Variants in CRYGN observed in about 807,000 individuals in gnomAD.
CRYGN encodes the protein crystallin gamma N, also known as gamma-crystallin N.
Under a neutral mutation model 19.2 loss-of-function variants are expected in CRYGN, and 17 were observed. That is an observed-to-expected ratio of 0.89 (90% CI 0.61 to 1.33). CRYGN has a LOEUF of 1.33. Among genes scored for constraint, CRYGN ranks in the 40% most tolerant of loss-of-function variants. The pLI, the probability that CRYGN is intolerant of heterozygous loss-of-function variation, is 0.00. For synonymous variants in CRYGN, 84 were observed against 85.8 expected, an observed-to-expected ratio of 0.98 and a Z score of 0.12; for missense variants, 239 against 239.6, an observed-to-expected ratio of 1.00 and a Z score of 0.02.
chr7:151,433,825 T>TA lies in CRYGN; in HGVS notation c.416+2354dup, dbSNP rs1451721686. Among the ~76,000 whole-genome samples the TA allele has an allele frequency of 3.3e-5, 5 of 152,170 alleles. No homozygotes were observed. The highest frequency in any genetic ancestry group is 7.4e-5 in the Non-Finnish European group (5 of 68,018). On this transcript the variant is annotated intron_variant, in intron 3 of 3. Transcript: ENST00000337323. This position sits in a 1 kb window ranked among gnomAD's most constrained non-coding sequence, Gnocchi z 5.1. ...TGCTGTCCCCTGTCCTGGCTGTGGCTACTGGGAGGAGGCAGACAGAGGAAA... is the reference window on the plus strand; with the variant it reads ...TGCTGTCCCCTGTCCTGGCTGTGGCTAACTGGGAGGAGGCAGACAGAGGAAA...
At chr7:151,440,635 C>A, upstream of CRYGN, 1 of 153,506 alleles carries the variant, frequency 6.5e-6, no homozygotes, top group Non-Finnish European at 1.5e-5. Flanking sequence ...CTTGAAGATC[C>A]TGCCTAGGGT....
rs1386059452 is a variant in CRYGN at position 151,437,812 on chromosome 7, T to C, written c.270+184A>G. On this transcript the variant is annotated intron_variant, in intron 2 of 3. Coordinates refer to ENST00000337323, the MANE Select transcript of CRYGN (RefSeq NM_144727.3). ...CTCAGGGCCACTCCCACTCAGTTCATAGCAACTTGGCCCCCCACCTACTCA... is the reference window on the plus strand; with the variant it reads ...CTCAGGGCCACTCCCACTCAGTTCACAGCAACTTGGCCCCCCACCTACTCA... 7.5e-6 allele frequency: 11 copies of C among 1,473,048 alleles called. 1 individual carries two copies. The Admixed American group carries it at 1.8e-4, about 24-fold the overall frequency. 91.2% of individuals were successfully genotyped at this position (1,473,048 alleles called of 1,614,324 possible).
chr7:151,439,842 AG>A, intron 1 of CRYGN, 54 bp downstream of exon 1: 4 of 1,525,036 alleles, frequency 2.6e-6, no homozygotes, highest in Non-Finnish European at 3.5e-6. Context: ...CCCCTAGCAC[AG>A]GGGGCGAAGG....
chr7:151,435,639 C>A lies in CRYGN; in HGVS notation c.416+541G>T, dbSNP rs1801584376. The stretch of plus-strand genomic sequence containing the variant: ...AGTGAGCCACCCCGAAGTCCATCTC[C>A]TCCCAGAGGCCAGGGTGGTGGGGGT... On this transcript the variant is annotated intron_variant, in intron 3 of 3. Coordinates refer to ENST00000337323, the MANE Select transcript of CRYGN (RefSeq NM_144727.3). The surrounding 1 kb of genome is among the most constrained non-coding windows in gnomAD (Gnocchi z 4.2). 6.6e-6 allele frequency among the ~76,000 whole-genome samples: 1 copy of A among 152,008 alleles called. No homozygotes were observed. The highest frequency in any genetic ancestry group is 6.5e-5 in the Admixed American group (1 of 15,268).
At chr7:151,438,390 A>C in intron 1 of CRYGN, 146 bp from the exon 2 acceptor site, 1 of 764,972 alleles carries the variant, frequency 1.3e-6, no homozygotes, top group Non-Finnish European at 2.1e-6. Flanking sequence ...TAGGTGCCCA[A>C]CACTATTTGC....
At chr7:151,439,593 G>A (rs888733017) in intron 1 of CRYGN, among the ~76,000 whole-genome samples, 1 of 152,164 alleles carries the variant, frequency 6.6e-6, no homozygotes, top group Non-Finnish European at 1.5e-5. Context: ...GCGGAGGGCT[G>A]TGGGACAAGC....
intron 1 of CRYGN, among the ~76,000 whole-genome samples, chr7:151,439,527 C>A (rs2150910172): frequency 6.6e-6 from 1 of 152,208 alleles, no homozygotes; most frequent in African/African-American, 2.4e-5. Context: ...CTGAAGAGAC[C>A]CTGGGAAGGA....
In CRYGN at chr7:151,429,922, C is replaced by T; in HGVS notation, c.*126G>A. ...GAGGGCCTCCCGCTGGCAGATATGA[C>T]ACACAGAAGGCTCCACCTCCCTAAC... is the stretch of plus-strand genomic sequence containing the variant. On this transcript the variant is annotated 3_prime_UTR_variant, in exon 4 of 4. Transcript: ENST00000337323. The T allele has an allele frequency of 1.4e-6, 1 of 719,342 alleles. No homozygotes were observed. The highest frequency in any genetic ancestry group is 2.6e-6 in the Non-Finnish European group (1 of 388,158). 44.6% of individuals were successfully genotyped at this position (719,342 alleles called of 1,614,324 possible). A position where few individuals can be genotyped will look rare whatever the true frequency, so the allele number is the denominator to read the frequency against.
rs921642475 is a variant in CRYGN at position 151,436,615 on chromosome 7, G to A, written c.271-290C>T. Among the ~76,000 whole-genome samples, 1 of 152,152 alleles carries A rather than the reference G, an allele frequency of 6.6e-6. No homozygotes were observed. The highest frequency in any genetic ancestry group is 1.5e-5 in the Non-Finnish European group (1 of 68,034). On this transcript the variant is annotated intron_variant, in intron 2 of 3. Transcript: ENST00000337323. This position sits in a 1 kb window ranked among gnomAD's most constrained non-coding sequence, Gnocchi z 5.1. ...AGGGCCAAACTGACCAGAGGCCAGC[G>A]GTCACACTCAGACCAGGGCTGGGGT...
Position 151,440,134 on chromosome 7 carries a change from C to A in CRYGN, c.-217G>T. 7.5e-7 allele frequency: 1 copy of A among 1,328,320 alleles called. No individual in the cohort carries two copies. Among genetic ancestry groups the A allele is most frequent in the Non-Finnish European group, 9.6e-7 (1 of 1,038,142 alleles). 82.3% of individuals were successfully genotyped at this position (1,328,320 alleles called of 1,614,324 possible). A position where few individuals can be genotyped will look rare whatever the true frequency, so the allele number is the denominator to read the frequency against. ...CCTGCCCGGGGTCTCCCTGTGCTCT[C>A]CGCGTTTAGCTCCCGAGCCTCCTTC... is the stretch of plus-strand genomic sequence containing the variant. On this transcript the variant is annotated 5_prime_UTR_variant, in exon 1 of 4. Transcript: ENST00000337323.
At chr7:151,439,164 A>T (rs1162767498) in intron 1 of CRYGN, 1 of 152,198 alleles carries the variant, frequency 6.6e-6, no homozygotes, top group Admixed American at 6.5e-5. Flanking sequence ...GGCCCCTTGG[A>T]GTCAGGCGTG....
In CRYGN at chr7:151,430,208, G is replaced by T. The variant is rs1238940898; in HGVS notation, c.417-28C>A. ...GTGGTTTGCAGGTGAAAGGAGGTGG[G>T]GCCAGGGCATTAGGGGTACAGAGCA... On this transcript the variant is annotated intron_variant, in intron 3 of 3. Coordinates refer to ENST00000337323, the MANE Select transcript of CRYGN (RefSeq NM_144727.3). This position sits in a 1 kb window ranked among gnomAD's most constrained non-coding sequence, Gnocchi z 5.2. 1 of 1,612,676 alleles carries T rather than the reference G, an allele frequency of 6.2e-7. No individual in the cohort carries two copies. The highest frequency in any genetic ancestry group is 1.7e-5 in the Admixed American group (1 of 60,000).
At position 151,429,944 on chromosome 7, in the gene CRYGN, TAACA is replaced by T; in HGVS notation, c.*100_*103del. On this transcript the variant is annotated 3_prime_UTR_variant, in exon 4 of 4. Transcript: ENST00000337323. ...TGACACACAGAAGGCTCCACCTCCC[TAACA>T]AACTGGCAGAGAAATGAAAACTGAG... The T allele has an allele frequency of 1.3e-6, 1 of 748,296 alleles. No homozygotes were observed. Among genetic ancestry groups the T allele is most frequent in the Non-Finnish European group, 2.5e-6 (1 of 402,950 alleles). 46.4% of individuals were successfully genotyped at this position (748,296 alleles called of 1,614,324 possible).
intron 3 of CRYGN, among the ~76,000 whole-genome samples, chr7:151,434,612 G>T (rs1170282118): frequency 6.6e-6 from 1 of 152,176 alleles, no homozygotes; most frequent in Non-Finnish European, 1.5e-5. Flanking sequence ...GACCTCCCTT[G>T]GATATCAAAA....
intron 1 of CRYGN, 99 bp downstream of exon 1, chr7:151,439,798 T>G: frequency 7.9e-7 from 1 of 1,266,962 alleles, no homozygotes; most frequent in Non-Finnish European, 1.1e-6. Context: ...TTCCCTTGGA[T>G]TTGTCACCAT....
intron 3 of CRYGN, among the ~76,000 whole-genome samples, chr7:151,432,929 C>T (rs572316163): frequency 6.6e-6 from 1 of 152,322 alleles, no homozygotes; most frequent in Admixed American, 6.5e-5. Flanking sequence ...CAGCAGGTTC[C>T]CACATGTGTG....
chr7:151,439,087 A>C (rs888533695), intron 1 of CRYGN: 18 of 152,262 alleles, frequency 1.2e-4, no homozygotes, highest in African/African-American at 3.6e-4. Flanking sequence ...GTTCCCCATC[A>C]CTATGGTCGC....
Position 151,436,652 on chromosome 7 carries a change from CT to C in CRYGN, c.271-328del, listed in dbSNP as rs1801616115. ...ACCAGGGCTGGGGTCACGGGGCTCC[CT>C]CTGGGTGCTCAGCGTGGGGGACTCC... On this transcript the variant is annotated intron_variant, in intron 2 of 3. Transcript: ENST00000337323. The surrounding 1 kb of genome is among the most constrained non-coding windows in gnomAD (Gnocchi z 5.1). 6.6e-6 allele frequency among the ~76,000 whole-genome samples: 1 copy of C among 152,202 alleles called. No individual in the cohort carries two copies. The highest frequency in any genetic ancestry group is 2.4e-5 in the African/African-American group (1 of 41,450).
rs559222487 is a variant in CRYGN, at chr7:151,433,442, G to C, written c.416+2738C>G. 6.5e-6 allele frequency: 1 copy of C among 154,230 alleles called. No individual in the cohort carries two copies. Among genetic ancestry groups the C allele is most frequent in the African/African-American group, 2.4e-5 (1 of 41,508 alleles). 9.6% of individuals were successfully genotyped at this position (154,230 alleles called of 1,614,324 possible). On this transcript the variant is annotated intron_variant, in intron 3 of 3. Transcript: ENST00000337323. The surrounding 1 kb of genome is among the most constrained non-coding windows in gnomAD (Gnocchi z 5.1). ...GTCCTTCCCTCACCATCTCTGAGAC[G>C]AGTGAGGCTTGTCATGCCTGGTGCC...
Sources: allele counts gnomAD v4.1 joint callset (sites outside exome capture counted in the v4.1 genomes callset), GRCh38; gene constraint gnomAD v4.1.1; non-coding constraint Gnocchi (gnomAD v3.1); transcripts MANE v1.5; gene names NCBI Gene and HGNC (gene_info 2026-07-23, HGNC 2026-07-21).